ERBB4: variants seen among roughly 807,000 people sequenced by gnomAD.
ERBB4 encodes the protein erb-b2 receptor tyrosine kinase 4.
In ERBB4, 42 loss-of-function variants were observed where a neutral mutation model predicts 158.0. The ratio of observed to expected loss-of-function variants is 0.27; its 90% CI spans 0.21 to 0.34. The LOEUF is 0.34. ERBB4 is among the 10% of genes least tolerant of loss of function. The pLI, the probability that ERBB4 is intolerant of heterozygous loss-of-function variation, is 1.00. For synonymous variants in ERBB4, 583 were observed against 558.7 expected (o/e 1.04, Z -0.61); for missense variants, 1,333 against 1,624.1 (o/e 0.82, Z 3.08).
chr2:212,073,730 C>T (rs2125450655), intron 2 of ERBB4, among the ~76,000 whole-genome samples: 1 of 151,956 alleles, frequency 6.6e-6, no homozygotes, highest in East Asian at 1.9e-4. Flanking sequence ...GAGAGACAAA[C>T]AATATATGTA....
intron 2 of ERBB4, among the ~76,000 whole-genome samples, chr2:211,985,555 G>A (rs2081917432): frequency 1.3e-5 from 2 of 152,046 alleles, no homozygotes; most frequent in Admixed American, 1.3e-4. Flanking sequence ...GATGTGAGTA[G>A]AAGAAATTAT....
intron 1 of ERBB4, among the ~76,000 whole-genome samples, chr2:212,524,409 A>G (rs1692336922): frequency 6.6e-6 from 1 of 152,008 alleles, no homozygotes; most frequent in African/African-American, 2.4e-5. Context: ...GACTAATAAT[A>G]TGAGCATGTG....
chr2:211,468,775 G>A (rs2064759901), intron 20 of ERBB4, among the ~76,000 whole-genome samples: 1 of 152,022 alleles, frequency 6.6e-6, no homozygotes, highest in African/African-American at 2.4e-5. Flanking sequence ...ATACTATCAT[G>A]GTGCTTTCAT....
At chr2:212,345,521 G>T (rs888815261) in intron 1 of ERBB4, among the ~76,000 whole-genome samples, 2 of 152,046 alleles carry the variant, frequency 1.3e-5, no homozygotes, top group African/African-American at 4.8e-5. Context: ...TTTAAAAAAT[G>T]GAGAAACTAC....
At chr2:211,709,272 T>TATATATATATATACAC (rs1216222413) in intron 9 of ERBB4, among the ~76,000 whole-genome samples, 1 of 141,086 alleles carries the variant, frequency 7.1e-6, no homozygotes, top group African/African-American at 2.8e-5. Context: ...TATATATATA[T>TATATATATATATACAC]ATACATACAT....
chr2:211,464,521 T>C (rs996690885), intron 20 of ERBB4, among the ~76,000 whole-genome samples: 1 of 152,160 alleles, frequency 6.6e-6, no homozygotes, highest in Non-Finnish European at 1.5e-5. Context: ...AGAAAATCTG[T>C]ATTTAAGTGA....
intron 25 of ERBB4, among the ~76,000 whole-genome samples, chr2:211,404,604 T>C (rs1427746858): frequency 6.6e-6 from 1 of 151,962 alleles, no homozygotes; most frequent in Non-Finnish European, 1.5e-5. Context: ...AAACACTTTT[T>C]TTTAACTTTG....
intron 5 of ERBB4, among the ~76,000 whole-genome samples, chr2:211,732,080 T>G (rs1350150258): frequency 1.3e-5 from 2 of 152,156 alleles, no homozygotes; most frequent in Non-Finnish European, 2.9e-5. Flanking sequence ...TCCAAACTTC[T>G]GCTCTAAGGC....
Position 212,498,295 on chromosome 2 carries a change from G to A in ERBB4, c.82+40154C>T, listed in dbSNP as rs537007994. On this transcript the variant is annotated intron_variant, in intron 1 of 27. Transcript: ENST00000342788. ...GGCTACAGCTTTACTAAACAAAGAC[G>A]GGGATTAATTTTTCTTGGTTTTTAA... Among the ~76,000 whole-genome samples the A allele has an allele frequency of 1.1e-4, 17 of 152,136 alleles. No homozygotes were observed. In the East Asian group the frequency reaches 2.3e-3, roughly 21 times the overall value.
intron 3 of ERBB4, among the ~76,000 whole-genome samples, chr2:211,825,519 A>C (rs2077082811): frequency 1.3e-5 from 2 of 151,842 alleles, no homozygotes; most frequent in Admixed American, 1.3e-4. Context: ...TCTATTTAAC[A>C]AAATGTCTTC....
rs371077947 is a variant in ERBB4 at position 211,922,037 on chromosome 2, T to C, written c.421+25393A>G. 7.2e-5 allele frequency among the ~76,000 whole-genome samples: 11 copies of C among 152,184 alleles called. No individual in the cohort carries two copies. The East Asian group carries it at 1.4e-3, about 19-fold the overall frequency. ...ACCATTTTAAGGACTATTTGAGGAA[T>C]AAATAGGAGTTGATAGGAGTTTGTT... is the stretch of plus-strand genomic sequence containing the variant. On this transcript the variant is annotated intron_variant, in intron 3 of 27. Coordinates refer to ENST00000342788, the MANE Select transcript of ERBB4 (RefSeq NM_005235.3).
intron 19 of ERBB4, among the ~76,000 whole-genome samples, chr2:211,587,399 T>TTCCAATATGACTAGTG (rs2068317497): frequency 6.6e-6 from 1 of 152,084 alleles, no homozygotes; most frequent in African/African-American, 2.4e-5. Context: ...CATACCTCTA[T>TTCCAATATGACTAGTG]TCCAATATGA....
intron 2 of ERBB4, among the ~76,000 whole-genome samples, chr2:211,990,361 T>G (rs2082040442): frequency 6.6e-6 from 1 of 151,962 alleles, no homozygotes; most frequent in Non-Finnish European, 1.5e-5. Flanking sequence ...ATCCCACTTA[T>G]TTTTTCATAC....
chr2:211,975,545 AT>A (rs2081582122), intron 2 of ERBB4, among the ~76,000 whole-genome samples: 1 of 152,196 alleles, frequency 6.6e-6, no homozygotes, highest in South Asian at 2.1e-4. Flanking sequence ...CAGAAGGACA[AT>A]TTATAAGTAA....
intron 20 of ERBB4, among the ~76,000 whole-genome samples, chr2:211,478,908 T>C (rs562327948): frequency 3.9e-5 from 6 of 152,310 alleles, no homozygotes; most frequent in South Asian, 2.1e-4. Context: ...CTCAGGATGG[T>C]AATGTAAGGC....
At chr2:211,603,566 G>A (rs1268791234) in intron 19 of ERBB4, among the ~76,000 whole-genome samples, 1 of 152,184 alleles carries the variant, frequency 6.6e-6, no homozygotes, top group Non-Finnish European at 1.5e-5. Flanking sequence ...TAGACTAGAA[G>A]TATTAATTAA....
chr2:212,202,868 T>A (rs1034621037), intron 1 of ERBB4, among the ~76,000 whole-genome samples: 3 of 152,026 alleles, frequency 2.0e-5, no homozygotes, highest in African/African-American at 7.2e-5. Flanking sequence ...AAACTATTAG[T>A]TTTATGTATA....
chr2:212,237,791 T>C (rs922769112), intron 1 of ERBB4, among the ~76,000 whole-genome samples: 1 of 152,196 alleles, frequency 6.6e-6, no homozygotes, highest in African/African-American at 2.4e-5. Flanking sequence ...AGGAGGAATC[T>C]AGAGAGGCAG....
At position 211,386,928 on chromosome 2, in the gene ERBB4, C is replaced by A. The variant is rs1456109926; in HGVS notation, c.3406G>T (p.Ala1136Ser). Residue 1136 changes from alanine (A) to serine (S), a missense_variant, in exon 27 of 28, where the codon GCC (alanine) becomes TCC (serine). By Grantham distance (99) the Ala-to-Ser change is moderately conservative. This residue lies in a region of ERBB4 where 252 missense variants were observed against 241.3 expected (regional missense o/e 1.04). Transcript: ENST00000342788. Reference protein sequence around the residue: ...QRYSADPTVFAPERSPRGELD... With the variant: ...QRYSADPTVFSPERSPRGELD... ...TCTCCTCGTGGGCTCCGTTCTGGGGCAAACACGGTGGGGTCAGCACTGTAC... is the reference window on the plus strand; with the variant it reads ...TCTCCTCGTGGGCTCCGTTCTGGGGAAAACACGGTGGGGTCAGCACTGTAC... 4 of 1,614,056 alleles carry A rather than the reference C, an allele frequency of 2.5e-6. No individual in the cohort carries two copies. The highest frequency in any genetic ancestry group is 3.4e-6 in the Non-Finnish European group (4 of 1,180,050).
Sources: gnomAD v4.1 joint callset for allele counts (sites outside exome capture counted in the v4.1 genomes callset) on GRCh38, gnomAD v4.1.1 for gene constraint, gnomAD v4.1.1 regional missense constraint, MANE v1.5 for transcripts, NCBI Gene and HGNC (gene_info 2026-07-23, HGNC 2026-07-21) for gene names.